The following BMP6 variants were observed in gnomAD, a reference collection of about 807,000 sequenced individuals.
The protein encoded by BMP6 is VG-1-R.
BMP6 carries 17 observed loss-of-function variants against 54.1 expected under a neutral mutation model. That is an observed-to-expected ratio of 0.31 (90% CI 0.22 to 0.47). BMP6 has a LOEUF of 0.47. Ranked by LOEUF, BMP6 falls within the 20% of genes least tolerant of loss-of-function variation. BMP6 has a pLI of 1.00. For synonymous variants in BMP6, 328 were observed against 291.2 expected, an observed-to-expected ratio of 1.13 and a Z score of -1.28; for missense variants, 720 against 690.4, an observed-to-expected ratio of 1.04 and a Z score of -0.48.
Position 7,856,595 on chromosome 6 carries a change from A to ATTTTTTTTTTTTTTTTTTTTTTTTTTTT in BMP6, c.858-4837_858-4836insTTTTTTTTTTTTTTTTTTTTTTTTTTTT, listed in dbSNP as rs70982115. Among the ~76,000 whole-genome samples, 22 of 83,054 alleles carry ATTTTTTTTTTTTTTTTTTTTTTTTTTTT rather than the reference A, an allele frequency of 2.6e-4. 5 individuals carry two copies. The highest frequency in any genetic ancestry group is 9.9e-4 in the African/African-American group (19 of 19,162). The allele number at this position is 83,054 out of a possible 152,430, so 54.5% of individuals were successfully genotyped here. A position where few individuals can be genotyped will look rare whatever the true frequency, so the allele number is the denominator to read the frequency against. ...ATATAAATGCCAGTTTATCAAGAGC[A>ATTTTTTTTTTTTTTTTTTTTTTTTTTTT]TTTTTTTTTTTTTTTTTTTGAGACG... On this transcript the variant is annotated intron_variant, in intron 2 of 6. Coordinates refer to ENST00000283147, the MANE Select transcript of BMP6 (RefSeq NM_001718.6).
At chr6:7,747,446 G>A (rs1312761981) in intron 1 of BMP6, among the ~76,000 whole-genome samples, 1 of 152,180 alleles carries the variant, frequency 6.6e-6, no homozygotes, top group Non-Finnish European at 1.5e-5. Context: ...TCCCCAGGCC[G>A]AGGAATGCAG....
intron 1 of BMP6, among the ~76,000 whole-genome samples, chr6:7,821,276 CA>C (rs1026209140): frequency 3.7e-4 from 56 of 152,300 alleles, no homozygotes; most frequent in African/African-American, 1.3e-3. Flanking sequence ...TGTCCCCACC[CA>C]GGGGTGGCTT....
intron 2 of BMP6, among the ~76,000 whole-genome samples, chr6:7,859,180 G>C (rs1759296178): frequency 6.6e-6 from 1 of 151,910 alleles, no homozygotes; most frequent in South Asian, 2.1e-4. Context: ...GCTCTTCTCT[G>C]TTTTCCTCCT....
intron 1 of BMP6, among the ~76,000 whole-genome samples, chr6:7,799,725 T>C (rs938456242): frequency 7.0e-6 from 1 of 142,774 alleles, no homozygotes; most frequent in Admixed American, 7.4e-5. Flanking sequence ...CCTTGACTTA[T>C]AGTTACACTG....
intron 1 of BMP6, among the ~76,000 whole-genome samples, chr6:7,748,781 G>A (rs779930897): frequency 1.1e-4 from 17 of 152,076 alleles, no homozygotes; most frequent in Non-Finnish European, 2.2e-4. Context: ...TTCCTTAGTC[G>A]TGCAATTTCA....
intron 1 of BMP6, among the ~76,000 whole-genome samples, chr6:7,791,210 T>A (rs1028361837): frequency 6.6e-6 from 1 of 152,204 alleles, no homozygotes; most frequent in Non-Finnish European, 1.5e-5. Flanking sequence ...GACTTCTCCA[T>A]CATCCCAGAG....
At chr6:7,752,227 C>G (rs1250773772) in intron 1 of BMP6, among the ~76,000 whole-genome samples, 1 of 152,222 alleles carries the variant, frequency 6.6e-6, no homozygotes, top group African/African-American at 2.4e-5. Flanking sequence ...AATACTTCAA[C>G]AAACAGACAT....
chr6:7,727,015 C>T lies in BMP6; in HGVS notation c.60C>T (p.Ser20=), dbSNP rs1761738156. 8.9e-7 allele frequency: 1 copy of T among 1,126,112 alleles called. No individual in the cohort carries two copies. Among genetic ancestry groups the T allele is most frequent in the Non-Finnish European group, 1.1e-6 (1 of 921,686 alleles). The allele number at this position is 1,126,112 out of a possible 1,614,324, so 69.8% of individuals were successfully genotyped here. ...WLCWWWGLLC[S]CCGPPPLRPP... Reference sequence around the variant, plus strand: ...GCTGGTGGTGGGGGCTGCTGTGCAGCTGCTGCGGGCCCCCGCCGCTGCGGC... The same window carrying T: ...GCTGGTGGTGGGGGCTGCTGTGCAGTTGCTGCGGGCCCCCGCCGCTGCGGC... The change falls in exon 1 of 7, where the codon AGC becomes AGT. Residue 20 remains serine, a synonymous_variant. Coordinates refer to ENST00000283147, the MANE Select transcript of BMP6 (RefSeq NM_001718.6).
At chr6:7,863,410 A>G (rs1195350420) in intron 4 of BMP6, among the ~76,000 whole-genome samples, 2 of 152,112 alleles carry the variant, frequency 1.3e-5, no homozygotes, top group Non-Finnish European at 1.5e-5. Context: ...TAGTAAAACT[A>G]TCTCTATATG....
chr6:7,749,394 C>A (rs1757390100), intron 1 of BMP6, among the ~76,000 whole-genome samples: 1 of 152,156 alleles, frequency 6.6e-6, no homozygotes, highest in South Asian at 2.1e-4. Flanking sequence ...TATTTTCTTG[C>A]CCCATTTTCC....
At chr6:7,856,814 T>G (rs1010487943) in intron 2 of BMP6, among the ~76,000 whole-genome samples, 1 of 151,662 alleles carries the variant, frequency 6.6e-6, no homozygotes, top group Non-Finnish European at 1.5e-5. Context: ...GCCGGGATGG[T>G]CTCGATCTCC....
chr6:7,877,765 G>A (rs1355973332), intron 4 of BMP6, among the ~76,000 whole-genome samples: 1 of 152,214 alleles, frequency 6.6e-6, no homozygotes, highest in African/African-American at 2.4e-5. Flanking sequence ...AGTTGAAAAG[G>A]GAAGGGATAG....
chr6:7,753,039 A>C (rs982021602), intron 1 of BMP6, among the ~76,000 whole-genome samples: 2 of 152,134 alleles, frequency 1.3e-5, no homozygotes, highest in Non-Finnish European at 2.9e-5. Context: ...TTTACATTAT[A>C]TAATGGTAAG....
At chr6:7,856,862 C>A (rs1396320631) in intron 2 of BMP6, among the ~76,000 whole-genome samples, 1 of 152,036 alleles carries the variant, frequency 6.6e-6, no homozygotes, top group Non-Finnish European at 1.5e-5. Context: ...TCCCAAAGTG[C>A]TGGGATTACA....
At chr6:7,769,820 A>G (rs959413208) in intron 1 of BMP6, among the ~76,000 whole-genome samples, 3 of 152,230 alleles carry the variant, frequency 2.0e-5, no homozygotes, top group Non-Finnish European at 2.9e-5. Context: ...TTTTCTTTCC[A>G]ATATTCCTAA....
chr6:7,880,039 G>A lies in BMP6; in HGVS notation c.1330G>A (p.Glu444Lys). The change falls in exon 6 of 7, where the codon GAA becomes AAA. Residue 444 changes from glutamate (E) to lysine (K), a missense_variant. Around this residue, in one of 3 missense-constraint regions of BMP6, gnomAD observed 27 missense variants for 80.1 expected, o/e 0.34. Transcript: ENST00000283147. ...KGYAANYCDGECSFPLNAHMN... is the reference protein window; with the variant it reads ...KGYAANYCDGKCSFPLNAHMN... ...CTATGCTGCCAATTACTGTGATGGA[G>A]AATGCTCCTTCCCACTCAACGCACA... The A allele has an allele frequency of 1.9e-6, 3 of 1,614,206 alleles. No homozygotes were observed. The highest frequency in any genetic ancestry group is 2.5e-6 in the Non-Finnish European group (3 of 1,180,040).
intron 4 of BMP6, among the ~76,000 whole-genome samples, chr6:7,865,876 G>A (rs1368497623): frequency 6.6e-6 from 1 of 152,188 alleles, no homozygotes; most frequent in Non-Finnish European, 1.5e-5. Context: ...TCCTACATCT[G>A]GGTAAAGAAG....
rs1435121879 is a variant in BMP6, at chr6:7,727,137, A to C, written c.182A>C (p.Gln61Pro). The change falls in exon 1 of 7, where the codon CAG becomes CCG. Residue 61 changes from glutamine to proline, a missense_variant. Physicochemically the swap from Gln to Pro is moderately conservative, Grantham distance 76 (BLOSUM62 -1). Coordinates refer to ENST00000283147, the MANE Select transcript of BMP6 (RefSeq NM_001718.6). Reference sequence around the variant, plus strand: ...ACGGAGCAGCCGCCGCCGTCGCCGCAGTCCTCCTCGGGCTTCCTGTACCGG... The same window carrying C: ...ACGGAGCAGCCGCCGCCGTCGCCGCCGTCCTCCTCGGGCTTCCTGTACCGG... Reference protein sequence around the residue: ...GRTEQPPPSPQSSSGFLYRRL... With the variant: ...GRTEQPPPSPPSSSGFLYRRL... The C allele has an allele frequency of 6.4e-7, 1 of 1,555,306 alleles. No homozygotes were observed. Among genetic ancestry groups the C allele is most frequent in the Non-Finnish European group, 8.7e-7 (1 of 1,153,502 alleles).
intron 2 of BMP6, among the ~76,000 whole-genome samples, chr6:7,859,711 C>A (rs1759305505): frequency 2.0e-5 from 3 of 152,114 alleles, no homozygotes; most frequent in Non-Finnish European, 4.4e-5. Flanking sequence ...ACAGTTGTTA[C>A]CTCAGTGATG....
Sources: allele counts gnomAD v4.1 joint callset (sites outside exome capture counted in the v4.1 genomes callset), GRCh38; gene constraint gnomAD v4.1.1; regional missense constraint gnomAD v4.1.1; transcripts MANE v1.5; gene names NCBI Gene and HGNC (gene_info 2026-07-23, HGNC 2026-07-21).